The following ZIC4 variants were observed in gnomAD, a reference collection of about 807,000 sequenced individuals.
ZIC4 encodes Zic family zinc finger 4, also known as zinc finger protein ZIC 4.
ZIC4 carries 15 observed loss-of-function variants against 28.8 expected under a neutral mutation model. The ratio of observed to expected loss-of-function variants is 0.52; its 90% CI spans 0.35 to 0.80. ZIC4 has a LOEUF of 0.80. Among genes scored for constraint, ZIC4 ranks in the 30% least tolerant of loss-of-function variants. The probability of loss-of-function intolerance (pLI) is 0.01; values close to 1 mark genes in which losing one functional copy is unlikely to be tolerated. For missense variants in ZIC4, 512 were observed against 467.1 expected (o/e 1.10, Z -0.89); for synonymous variants, 220 against 198.1 (o/e 1.11, Z -0.93).
rs2087031061 is a variant in ZIC4, at chr3:147,395,922, A to G, written c.618T>C (p.Cys206=). 6.2e-7 allele frequency: 1 copy of G among 1,614,114 alleles called. No individual in the cohort carries two copies. The highest frequency in any genetic ancestry group is 8.5e-7 in the Non-Finnish European group (1 of 1,180,068). Residue 206 remains cysteine (C), a synonymous_variant, in exon 3 of 5, where the codon TGT becomes TGC. Transcript: ENST00000383075. ...RVHTGEKPFP[C]PFPGCGKVFA... is the part of the protein sequence containing the mutation. ...AGACCTTCCCACACCCCGGGAAAGG[A>G]CAAGGGAAGGGCTTCTCGCCCGTGT...
intron 3 of ZIC4, among the ~76,000 whole-genome samples, chr3:147,394,117 C>CCTCTCTCT (rs113382372): frequency 5.2e-4 from 75 of 145,212 alleles, no homozygotes; most frequent in East Asian, 1.4e-3. Flanking sequence ...ATTTTTTTTC[C>CCTCTCTCT]CTCTCTCTCT....
chr3:147,388,852 G>A lies in ZIC4; in HGVS notation c.*7C>T, dbSNP rs1233920592. On this transcript the variant is annotated 3_prime_UTR_variant, in exon 5 of 5. Coordinates refer to ENST00000383075, the MANE Select transcript of ZIC4 (RefSeq NM_032153.6). ...GCGAGATTACCTTGCGAGCAACGCG[G>A]TGGACATCTGTAACAAGCAAATGAA... 3 of 780,244 alleles carry A rather than the reference G, an allele frequency of 3.8e-6. No homozygotes were observed. The highest frequency in any genetic ancestry group is 7.2e-6 in the Non-Finnish European group (3 of 418,000). 48.3% of individuals were successfully genotyped at this position (780,244 alleles called of 1,614,324 possible). A position where few individuals can be genotyped will look rare whatever the true frequency, so the allele number is the denominator to read the frequency against.
rs2087029414 is a variant in ZIC4, at chr3:147,395,852, C to T, written c.688G>A (p.Gly230Ser). 9 of 1,610,386 alleles carry T rather than the reference C, an allele frequency of 5.6e-6. No homozygotes were observed. Among genetic ancestry groups the T allele is most frequent in the Admixed American group, 1.7e-5 (1 of 59,900 alleles). Residue 230 changes from glycine (G) to serine (S), a missense_variant and splice_region_variant, in exon 3 of 5, where the codon GGC (glycine) becomes AGC (serine). By Grantham distance (56) the Gly-to-Ser change is moderately conservative. This residue lies in a region of ZIC4 where 58 missense variants were observed against 93.8 expected (regional missense o/e 0.62). Coordinates refer to ENST00000383075, the MANE Select transcript of ZIC4 (RefSeq NM_032153.6). The part of the protein sequence containing the change: ...NLKIHKRTHT[G>S]EKPFRCEFEG... ...GCGACAGACAGCGCCGAATACTGAC[C>T]TGTGTGAGTTCGTTTGTGTATTTTG...
At chr3:147,401,889 A>G (rs1048259012) in intron 2 of ZIC4, among the ~76,000 whole-genome samples, 2 of 152,208 alleles carry the variant, frequency 1.3e-5, no homozygotes, top group African/African-American at 4.8e-5. Context: ...GTCTTCCAAA[A>G]CAGTATTAAA....
rs181423741 is a variant in ZIC4, at chr3:147,388,408, T to C, written c.*451A>G. 23 of 176,136 alleles carry C rather than the reference T, an allele frequency of 1.3e-4. No individual in the cohort carries two copies. The highest frequency in any genetic ancestry group is 1.2e-3 in the Admixed American group (20 of 16,098). The allele number at this position is 176,136 out of a possible 1,614,324, so 10.9% of individuals were successfully genotyped here. A position where few individuals can be genotyped will look rare whatever the true frequency, so the allele number is the denominator to read the frequency against. On this transcript the variant is annotated 3_prime_UTR_variant, in exon 5 of 5. Transcript: ENST00000383075. ...TTTCCTCGCCTTTAGAAACTCGCCA[T>C]CAAACCCAAACGCGCCCTCTGATCA... is the stretch of plus-strand genomic sequence containing the variant.
intron 1 of ZIC4, among the ~76,000 whole-genome samples, 199 bp from the exon 2 acceptor site, chr3:147,403,011 T>A (rs1462745853): frequency 6.6e-6 from 1 of 152,216 alleles, no homozygotes; most frequent in Non-Finnish European, 1.5e-5. Flanking sequence ...ATGATATATC[T>A]TTGGTGATAA....
intron 2 of ZIC4, among the ~76,000 whole-genome samples, chr3:147,400,393 A>G (rs35563302): frequency 0.029 from 4,484 of 152,328 alleles, 107 homozygotes; most frequent in Middle Eastern, 0.082. Flanking sequence ...GATTCAGCCA[A>G]AATCCTGGAG....
rs780210672 is a variant in ZIC4 at position 147,396,250 on chromosome 3, C to T, written c.290G>A (p.Gly97Asp). The stretch of plus-strand genomic sequence containing the variant: ...CACCGTCAGGTTCATGCCCCCGTAG[C>T]CATGCAGGGCTGCGGCAGCTGCCAG... ...DALAAAAALH[G>D]YGGMNLTVNL... Residue 97 changes from glycine (G) to aspartate (D), a missense_variant, in exon 3 of 5, where the codon GGC becomes GAC. This residue lies in a region of ZIC4 where 310 missense variants were observed against 256.5 expected (regional missense o/e 1.21). Transcript: ENST00000383075. The surrounding 1 kb of genome is among the most constrained non-coding windows in gnomAD (Gnocchi z 4.2). 1 of 1,613,124 alleles carries T rather than the reference C, an allele frequency of 6.2e-7. No homozygotes were observed. The highest frequency in any genetic ancestry group is 1.1e-5 in the South Asian group (1 of 91,040).
Position 147,390,994 on chromosome 3 carries a change from C to A in ZIC4, c.941G>T (p.Gly314Val). ...CGAGGAGGCCACCTGGGACTTGTGG[C>A]CGCAGTCCGACGAGGGCGACACGAG... Reference protein sequence around the residue: ...SALVSPSSDCGHKSQVASSAA... With the variant: ...SALVSPSSDCVHKSQVASSAA... Residue 314 changes from glycine (G) to valine (V), a missense_variant, in exon 4 of 5, where the codon GGC (glycine) becomes GTC (valine). By Grantham distance (109) the Gly-to-Val change is moderately radical. This residue lies in a region of ZIC4 where 144 missense variants were observed against 116.8 expected (regional missense o/e 1.23). Transcript: ENST00000383075. 1.9e-6 allele frequency: 3 copies of A among 1,613,260 alleles called. No individual in the cohort carries two copies. Among genetic ancestry groups the A allele is most frequent in the Non-Finnish European group, 2.5e-6 (3 of 1,179,838 alleles).
intron 2 of ZIC4, among the ~76,000 whole-genome samples, chr3:147,400,392 A>G (rs1265068134): frequency 6.6e-6 from 1 of 152,250 alleles, no homozygotes; most frequent in Non-Finnish European, 1.5e-5. Flanking sequence ...TGATTCAGCC[A>G]AAATCCTGGA....
In ZIC4 at chr3:147,392,032, A is replaced by G. The variant is rs529678587; in HGVS notation, c.689-786T>C. 3.6e-3 allele frequency: 3,545 copies of G among 985,546 alleles called. 7 individuals carry two copies. The highest frequency in any genetic ancestry group is 4.0e-3 in the Non-Finnish European group (3,335 of 830,034). 61.1% of individuals were successfully genotyped at this position (985,546 alleles called of 1,614,324 possible). A position where few individuals can be genotyped will look rare whatever the true frequency, so the allele number is the denominator to read the frequency against. On this transcript the variant is annotated intron_variant, in intron 3 of 4. Transcript: ENST00000383075. Reference sequence around the variant, plus strand: ...TAATAATATTTCATTACGCTGCTCCAGAGGCTTCCTGGAGACCGTGCTGTG... The same window carrying G: ...TAATAATATTTCATTACGCTGCTCCGGAGGCTTCCTGGAGACCGTGCTGTG...
At position 147,388,631 on chromosome 3, in the gene ZIC4, T is replaced by C; in HGVS notation, c.*228A>G. 1 of 520,632 alleles carries C rather than the reference T, an allele frequency of 1.9e-6. No homozygotes were observed. Among genetic ancestry groups the C allele is most frequent in the Non-Finnish European group, 3.4e-6 (1 of 293,018 alleles). The allele number at this position is 520,632 out of a possible 1,614,324, so 32.3% of individuals were successfully genotyped here. ...TGTATACACAAGAAAAAAGGTCTGT[T>C]AGACGTAAATATTATGTCCTTAATG... On this transcript the variant is annotated 3_prime_UTR_variant, in exon 5 of 5. Coordinates refer to ENST00000383075, the MANE Select transcript of ZIC4 (RefSeq NM_032153.6).
At chr3:147,405,452 C>G (rs2087255124) in intron 1 of ZIC4, 7 of 1,537,252 alleles carry the variant, frequency 4.6e-6, no homozygotes, top group Non-Finnish European at 6.1e-6. Flanking sequence ...TTTCCTAAGA[C>G]TTTGACATGG....
At chr3:147,395,363 T>C (rs893011838) in intron 3 of ZIC4, among the ~76,000 whole-genome samples, 4 of 152,076 alleles carry the variant, frequency 2.6e-5, no homozygotes, top group Non-Finnish European at 5.9e-5. Context: ...CAAAAATACG[T>C]ACAAAGTTAG....
intron 3 of ZIC4, among the ~76,000 whole-genome samples, chr3:147,394,242 G>C (rs898131199): frequency 2.6e-5 from 4 of 151,392 alleles, no homozygotes; most frequent in Non-Finnish European, 5.9e-5. Context: ...TTGTTTGTTT[G>C]TTTGTTTTTG....
At chr3:147,404,183 C>T in intron 1 of ZIC4, 1 of 1,497,138 alleles carries the variant, frequency 6.7e-7, no homozygotes. Context: ...ATAGAATTTA[C>T]TCTTTTGCTT....
chr3:147,395,949 C>G lies in ZIC4; in HGVS notation c.591G>C (p.Val197=), dbSNP rs1416071030. 6.2e-7 allele frequency: 1 copy of G among 1,614,130 alleles called. No individual in the cohort carries two copies. The highest frequency in any genetic ancestry group is 1.7e-5 in the Admixed American group (1 of 60,010). Residue 197 remains valine, a synonymous_variant, in exon 3 of 5, where the codon GTG becomes GTC. Transcript: ENST00000383075. ...AKYKLVNHIR[V]HTGEKPFPCP... is the part of the protein sequence containing the mutation. ...AAGGGAAGGGCTTCTCGCCCGTGTG[C>G]ACGCGGATGTGATTTACAAGTTTGT...
Position 147,391,126 on chromosome 3 carries a change from C to A in ZIC4, c.809G>T (p.Gly270Val). ...SDKPYTCKVR[G>V]CDKCYTHPSS... Reference sequence around the variant, plus strand: ...GGGGTGCGTGTAGCACTTGTCGCAGCCCCGCACCTTGCACGTGTATGGCTT... The same window carrying A: ...GGGGTGCGTGTAGCACTTGTCGCAGACCCGCACCTTGCACGTGTATGGCTT... Residue 270 changes from glycine (G) to valine (V), a missense_variant, in exon 4 of 5, where the codon GGC (glycine) becomes GTC (valine). Physicochemically the swap from Gly to Val is moderately radical, Grantham distance 109. Transcript: ENST00000383075. 6.2e-7 allele frequency: 1 copy of A among 1,614,090 alleles called. No homozygotes were observed. The highest frequency in any genetic ancestry group is 8.5e-7 in the Non-Finnish European group (1 of 1,179,940).
In ZIC4 at chr3:147,402,657, TAAAA is replaced by T. The variant is rs878857182; in HGVS notation, c.70+67_70+70del. ...AAAAGACAAAACAAAACTTCCTACT[TAAAA>T]AAAAAAAAGAAGAAGAAGAAGAAAA... is the stretch of plus-strand genomic sequence containing the variant. On this transcript the variant is annotated intron_variant, in intron 2 of 4. Coordinates refer to ENST00000383075, the MANE Select transcript of ZIC4 (RefSeq NM_032153.6). 3 of 1,126,762 alleles carry T rather than the reference TAAAA, an allele frequency of 2.7e-6. No individual in the cohort carries two copies. The African/African-American group carries it at 5.1e-5, about 19-fold the overall frequency. 69.8% of individuals were successfully genotyped at this position (1,126,762 alleles called of 1,614,324 possible).
Sources: gnomAD v4.1 joint callset for allele counts (sites outside exome capture counted in the v4.1 genomes callset) on GRCh38, gnomAD v4.1.1 for gene constraint, gnomAD v4.1.1 regional missense constraint, Gnocchi (gnomAD v3.1) non-coding constraint, MANE v1.5 for transcripts, NCBI Gene and HGNC (gene_info 2026-07-23, HGNC 2026-07-21) for gene names.